Variants in CDH13 observed in about 807,000 individuals in gnomAD.
CDH13 encodes the protein cadherin-13.
In CDH13, 24 loss-of-function variants were observed where a neutral mutation model predicts 63.8. That is an observed-to-expected ratio of 0.38 (90% CI 0.27 to 0.53). The LOEUF is 0.53. Among genes scored for constraint, CDH13 ranks in the 20% least tolerant of loss-of-function variants. The probability of loss-of-function intolerance (pLI) is 0.85; values close to 1 mark genes in which losing one functional copy is unlikely to be tolerated. For synonymous variants in CDH13, 503 were observed against 355.3 expected, an observed-to-expected ratio of 1.42 and a Z score of -4.67; for missense variants, 1,049 against 903.1, an observed-to-expected ratio of 1.16 and a Z score of -2.07.
At chr16:83,544,098 C>T (rs796574608) in intron 7 of CDH13, among the ~76,000 whole-genome samples, 1 of 152,146 alleles carries the variant, frequency 6.6e-6, no homozygotes, top group Admixed American at 6.5e-5. Flanking sequence ...GTGCAGTGTG[C>T]TTCGAGCACA....
chr16:82,707,321 G>C (rs2031571915), intron 1 of CDH13, among the ~76,000 whole-genome samples: 1 of 152,174 alleles, frequency 6.6e-6, no homozygotes, highest in Non-Finnish European at 1.5e-5. Flanking sequence ...AACATTTGTA[G>C]GGAAGAGATA....
intron 7 of CDH13, among the ~76,000 whole-genome samples, chr16:83,586,430 A>G (rs529601637): frequency 2.6e-5 from 4 of 152,342 alleles, no homozygotes; most frequent in Admixed American, 6.5e-5. Context: ...GAGCCCTCCA[A>G]GGGCTTGTTT....
intron 6 of CDH13, among the ~76,000 whole-genome samples, chr16:83,365,872 C>A (rs556473201): frequency 6.6e-6 from 1 of 152,094 alleles, no homozygotes; most frequent in Non-Finnish European, 1.5e-5. Flanking sequence ...CTGCCAGCAC[C>A]CCAAATGATG....
intron 10 of CDH13, among the ~76,000 whole-genome samples, chr16:83,682,497 T>C (rs574473092): frequency 2.0e-5 from 3 of 152,280 alleles, no homozygotes; most frequent in African/African-American, 7.2e-5. Context: ...GCATGTTCTG[T>C]AGAGGGGAAA....
rs557762761 is a variant in CDH13, at chr16:83,184,571, A to G, written c.484-32774A>G. On this transcript the variant is annotated intron_variant, in intron 4 of 13. Transcript: ENST00000567109. ...GGATTTCAAGACCAGCCTGGCCAACATGGTGAAACCTCTCCTCTACTAAAA... is the reference window on the plus strand; with the variant it reads ...GGATTTCAAGACCAGCCTGGCCAACGTGGTGAAACCTCTCCTCTACTAAAA... 6.7e-4 allele frequency among the ~76,000 whole-genome samples: 102 copies of G among 152,284 alleles called. 2 individuals are homozygous for G. The Middle Eastern group carries it at 0.017, about 26-fold the overall frequency.
intron 10 of CDH13, among the ~76,000 whole-genome samples, chr16:83,723,802 TATA>T (rs933439545): frequency 6.6e-6 from 1 of 152,148 alleles, no homozygotes; most frequent in Non-Finnish European, 1.5e-5. Flanking sequence ...ATGTCTGACA[TATA>T]ATAGCTACAC....
chr16:83,156,529 C>G (rs530168524), intron 4 of CDH13, among the ~76,000 whole-genome samples: 2 of 152,202 alleles, frequency 1.3e-5, no homozygotes, highest in South Asian at 4.1e-4. Flanking sequence ...GAAGGGTGCT[C>G]TTTTAAGTTG....
At chr16:83,566,390 C>T (rs549531253) in intron 7 of CDH13, among the ~76,000 whole-genome samples, 15 of 152,280 alleles carry the variant, frequency 9.9e-5, no homozygotes, top group African/African-American at 3.1e-4. Context: ...TTTCTCAATC[C>T]CTTATTCACT....
chr16:83,633,054 A>G (rs1427912591), intron 8 of CDH13, among the ~76,000 whole-genome samples: 2 of 152,200 alleles, frequency 1.3e-5, no homozygotes, highest in African/African-American at 2.4e-5. Context: ...GAAAATGACC[A>G]GAGGTCACTC....
chr16:83,008,502 A>G (rs775560099), intron 2 of CDH13, among the ~76,000 whole-genome samples: 3 of 152,194 alleles, frequency 2.0e-5, no homozygotes, highest in Non-Finnish European at 2.9e-5. Context: ...GAGTAGCACA[A>G]AATGCGTACA....
intron 1 of CDH13, among the ~76,000 whole-genome samples, chr16:82,746,650 C>T (rs1197682908): frequency 6.6e-6 from 1 of 151,962 alleles, no homozygotes; most frequent in African/African-American, 2.4e-5. Context: ...CACTTATTTT[C>T]TTCTCAAGTA....
intron 2 of CDH13, among the ~76,000 whole-genome samples, chr16:82,886,063 C>T (rs146257700): frequency 6.6e-6 from 1 of 152,106 alleles, no homozygotes; most frequent in Admixed American, 6.5e-5. Flanking sequence ...TAAATATACA[C>T]ATGTATATTT....
chr16:83,632,362 T>C (rs1372862420), intron 8 of CDH13, among the ~76,000 whole-genome samples: 1 of 152,172 alleles, frequency 6.6e-6, no homozygotes, highest in African/African-American at 2.4e-5. Context: ...CCTTAGATGC[T>C]TTGGGCCTCA....
intron 5 of CDH13, among the ~76,000 whole-genome samples, chr16:83,288,734 C>T (rs2089389818): frequency 6.6e-6 from 1 of 152,220 alleles, no homozygotes; most frequent in South Asian, 2.1e-4. Flanking sequence ...TTTTGCCTTT[C>T]ATAAAGCACA....
chr16:83,718,723 C>T (rs1333928019), intron 10 of CDH13, among the ~76,000 whole-genome samples: 2 of 152,190 alleles, frequency 1.3e-5, no homozygotes, highest in Non-Finnish European at 2.9e-5. Context: ...TTGGCCCACA[C>T]TCTTGTTTTT....
chr16:82,841,190 C>T (rs2038994002), intron 1 of CDH13, among the ~76,000 whole-genome samples: 1 of 152,176 alleles, frequency 6.6e-6, no homozygotes, highest in South Asian at 2.1e-4. Context: ...AATCCAGATG[C>T]TCGGTGAAAA....
chr16:82,651,969 A>G (rs187746960), intron 1 of CDH13, among the ~76,000 whole-genome samples: 92 of 152,336 alleles, frequency 6.0e-4, no homozygotes, highest in African/African-American at 2.0e-3. Flanking sequence ...GCGCCATCCA[A>G]TCAGAACAAG....
intron 2 of CDH13, among the ~76,000 whole-genome samples, chr16:82,874,481 T>A (rs915465913): frequency 1.3e-5 from 2 of 151,700 alleles, no homozygotes; most frequent in African/African-American, 4.8e-5. Flanking sequence ...TGCACCAGCT[T>A]TTTTCTTTTC....
rs180792954 is a variant in CDH13, at chr16:82,766,200, G to C, written c.46-92162G>C. Among the ~76,000 whole-genome samples the C allele has an allele frequency of 4.6e-5, 7 of 152,232 alleles. No homozygotes were observed. In the East Asian group the frequency reaches 1.3e-3, roughly 29 times the overall value. ...AGGCTTCTGCTAAAAAGTCTTATTC[G>C]TGAGATGTCTAGCGTAACTTCTTTT... On this transcript the variant is annotated intron_variant, in intron 1 of 13. Coordinates refer to ENST00000567109, the MANE Select transcript of CDH13 (RefSeq NM_001257.5).
Sources: allele counts gnomAD v4.1 joint callset (sites outside exome capture counted in the v4.1 genomes callset), GRCh38; gene constraint gnomAD v4.1.1; transcripts MANE v1.5; gene names NCBI Gene and HGNC (gene_info 2026-07-23, HGNC 2026-07-21).